The following ABCB7 variants were observed in gnomAD, a reference collection of about 807,000 sequenced individuals.
The protein encoded by ABCB7 is iron-sulfur clusters transporter ABCB7, mitochondrial.
A neutral mutation model predicts 54.4 loss-of-function variants in ABCB7; 7 were observed. The ratio of observed to expected loss-of-function variants is 0.13; its 90% confidence interval spans 0.07 to 0.24. The LOEUF (loss-of-function observed/expected upper bound fraction) is 0.24. Among genes scored for constraint, ABCB7 ranks in the 10% least tolerant of loss-of-function variants. The pLI, the probability that ABCB7 is intolerant of heterozygous loss-of-function variation, is 1.00. For missense variants in ABCB7, 356 were observed against 570.4 expected, an observed-to-expected ratio of 0.62 and a Z score of 3.83; for synonymous variants, 218 against 207.1, an observed-to-expected ratio of 1.05 and a Z score of -0.45.
intron 1 of ABCB7, among the ~76,000 whole-genome samples, chrX:75,130,586 C>T (rs991323382): frequency 2.7e-5 from 3 of 111,875 alleles, no homozygotes; most frequent in Non-Finnish European, 3.8e-5. Context: ...ACTTGTCTGG[C>T]AGCTCCCTGA....
intron 4 of ABCB7, among the ~76,000 whole-genome samples, chrX:75,092,142 T>C (rs894126139): frequency 4.5e-5 from 5 of 110,931 alleles, no homozygotes; most frequent in Non-Finnish European, 7.6e-5. Context: ...AAAACAATAC[T>C]GGAGGTCTGA....
chrX:75,112,792 C>G (rs1465277710), intron 3 of ABCB7, 94 bp downstream of exon 3: 2 of 708,429 alleles, frequency 2.8e-6, no homozygotes, highest in Non-Finnish European at 4.4e-6. Context: ...ATGAGTCAAT[C>G]AAAATATTCT....
intron 4 of ABCB7, among the ~76,000 whole-genome samples, chrX:75,092,752 A>T (rs1462246161): frequency 8.9e-6 from 1 of 111,881 alleles, no homozygotes; most frequent in African/African-American, 3.2e-5. Flanking sequence ...TGGGCAAAAG[A>T]ACTGATCAGA....
Position 75,052,851 on chromosome X carries a change from C to T in ABCB7, c.*519G>A, listed in dbSNP as rs2081206245. 1 of 111,671 alleles carries T rather than the reference C, an allele frequency of 9.0e-6. No individual in the cohort carries two copies. Among genetic ancestry groups the T allele is most frequent in the African/African-American group, 3.3e-5 (1 of 30,498 alleles). 9.2% of individuals were successfully genotyped at this position (111,671 alleles called of 1,213,427 possible). On this transcript the variant is annotated 3_prime_UTR_variant, in exon 16 of 16. Transcript: ENST00000373394. ...AAAGTAAGTAACCTATCAAGTAAGA[C>T]ATCAAACTATAAATGCATGTCTATT...
At chrX:75,155,395 A>T (rs1302901293) in intron 1 of ABCB7, among the ~76,000 whole-genome samples, 1 of 112,812 alleles carries the variant, frequency 8.9e-6, no homozygotes, top group Non-Finnish European at 1.9e-5. Context: ...ATAATTTTTT[A>T]AAAAACCGTT....
intron 1 of ABCB7, among the ~76,000 whole-genome samples, chrX:75,141,918 C>T (rs2082056913): frequency 9.0e-6 from 1 of 111,011 alleles, no homozygotes; most frequent in Non-Finnish European, 1.9e-5. Context: ...AAAGGATCTC[C>T]CAATAGCCCA....
intron 1 of ABCB7, among the ~76,000 whole-genome samples, chrX:75,118,905 G>A (rs1271752485): frequency 9.0e-6 from 1 of 111,095 alleles, no homozygotes; most frequent in African/African-American, 3.3e-5. Flanking sequence ...TTAATTTCTG[G>A]AGATCTGTTT....
chrX:75,086,944 C>G (rs2081502900), intron 4 of ABCB7, among the ~76,000 whole-genome samples: 1 of 111,858 alleles, frequency 8.9e-6, no homozygotes, highest in African/African-American at 3.3e-5. Context: ...CCACCAGAAC[C>G]ATTTACAAAT....
intron 1 of ABCB7, among the ~76,000 whole-genome samples, chrX:75,115,266 C>CAAA (rs1160024642): frequency 0.011 from 141 of 13,221 alleles, 9 homozygotes; most frequent in African/African-American, 0.016. Context: ...GACTCTGTCT[C>CAAA]AAAAAAAAAA....
At chrX:75,139,812 T>A (rs1325406760) in intron 1 of ABCB7, among the ~76,000 whole-genome samples, 3 of 112,045 alleles carry the variant, frequency 2.7e-5, no homozygotes, top group Non-Finnish European at 3.8e-5. Context: ...AAGCTTTTAA[T>A]CTGTAAGTGT....
intron 1 of ABCB7, among the ~76,000 whole-genome samples, chrX:75,149,934 G>A (rs750195955): frequency 1.8e-5 from 2 of 111,727 alleles, no homozygotes; most frequent in Non-Finnish European, 3.8e-5. Context: ...TAGGGTGACT[G>A]GAGGGACAGG....
intron 14 of ABCB7, 106 bp from the exon 15 acceptor site, chrX:75,060,436 C>T: frequency 4.8e-6 from 3 of 628,745 alleles, no homozygotes; most frequent in Non-Finnish European, 5.1e-6. Flanking sequence ...ATAAAAAATG[C>T]CAGTTTTTTT....
At chrX:75,135,263 C>T (rs891628861) in intron 1 of ABCB7, among the ~76,000 whole-genome samples, 5 of 110,126 alleles carry the variant, frequency 4.5e-5, no homozygotes, top group African/African-American at 1.6e-4. Flanking sequence ...TACAACCTCC[C>T]AAGATTGAAC....
At chrX:75,062,479 TTA>T in intron 13 of ABCB7, 48 bp from the exon 14 acceptor site, 1 of 977,709 alleles carries the variant, frequency 1.0e-6, no homozygotes, top group Non-Finnish European at 1.5e-6. Context: ...CATGCATATT[TTA>T]TGTTTTTAGT....
intron 3 of ABCB7, among the ~76,000 whole-genome samples, chrX:75,100,917 A>C (rs2081633960): frequency 8.9e-6 from 1 of 112,120 alleles, no homozygotes; most frequent in African/African-American, 3.2e-5. Flanking sequence ...AATTGGAAAC[A>C]GCCTAAGTGA....
intron 1 of ABCB7, among the ~76,000 whole-genome samples, chrX:75,129,435 G>A (rs1362863216): frequency 8.2e-5 from 9 of 109,622 alleles, no homozygotes; most frequent in Admixed American, 2.0e-4. Context: ...ATCTCACACT[G>A]GGGCCCATTT....
intron 1 of ABCB7, among the ~76,000 whole-genome samples, chrX:75,155,302 T>C (rs1425215254): frequency 8.9e-6 from 1 of 112,965 alleles, no homozygotes; most frequent in Non-Finnish European, 1.9e-5. Context: ...TTTAAAGTGA[T>C]AGTGATAAAT....
intron 1 of ABCB7, among the ~76,000 whole-genome samples, chrX:75,122,861 G>GGGGTGT (rs1555954494): frequency 3.4e-4 from 32 of 93,131 alleles, no homozygotes; most frequent in Non-Finnish European, 4.0e-4. Flanking sequence ...TTAAAATTGG[G>GGGGTGT]GTGTGTGTGT....
intron 1 of ABCB7, among the ~76,000 whole-genome samples, chrX:75,123,700 G>A (rs1293384043): frequency 9.0e-6 from 1 of 111,266 alleles, no homozygotes; most frequent in Non-Finnish European, 1.9e-5. Context: ...GTGCTTCATA[G>A]TTTTGAGTAT....
Sources: gnomAD v4.1 joint callset for allele counts (sites outside exome capture counted in the v4.1 genomes callset) on GRCh38, gnomAD v4.1.1 for gene constraint, MANE v1.5 for transcripts, NCBI Gene and HGNC (gene_info 2026-07-23, HGNC 2026-07-21) for gene names.